NOX4: variants seen among roughly 807,000 people sequenced by gnomAD.
NOX4 encodes NADPH oxidase 4.
A neutral mutation model predicts 87.6 loss-of-function variants in NOX4; 69 were observed. The observed-to-expected ratio is 0.79, with a 90% CI of 0.65 to 0.96. NOX4 has a LOEUF of 0.96. Among genes scored for constraint, NOX4 ranks in the 40% least tolerant of loss-of-function variants. NOX4 has a pLI of 0.00. For synonymous variants in NOX4, 275 were observed against 238.2 expected, an observed-to-expected ratio of 1.15 and a Z score of -1.42; for missense variants, 680 against 681.5, an observed-to-expected ratio of 1.00 and a Z score of 0.02.
chr11:89,347,403 G>A (rs939573041), intron 13 of NOX4, among the ~76,000 whole-genome samples: 4 of 152,212 alleles, frequency 2.6e-5, no homozygotes, highest in Admixed American at 6.5e-5. Flanking sequence ...AGCTGACAAC[G>A]AGAATGGTGA....
At chr11:89,364,445 C>T (rs1488031013) in intron 12 of NOX4, among the ~76,000 whole-genome samples, 2 of 151,696 alleles carry the variant, frequency 1.3e-5, no homozygotes, top group African/African-American at 4.8e-5. Flanking sequence ...AAGAAAAAAC[C>T]CTATCACTCG....
chr11:89,484,748 A>ATTCACCC (rs1946522960), intron 2 of NOX4, among the ~76,000 whole-genome samples: 1 of 152,172 alleles, frequency 6.6e-6, no homozygotes, highest in Admixed American at 6.6e-5. Flanking sequence ...TCATCAAAGA[A>ATTCACCC]ATATAACCCA....
upstream of NOX4, chr11:89,492,346 TGA>T (rs1196336674): frequency 5.3e-5 from 8 of 152,330 alleles, no homozygotes; most frequent in East Asian, 1.5e-3. Flanking sequence ...TAACAACTAA[TGA>T]GAGACAGAAA....
chr11:89,504,039 A>T, the NOX4 span, among the ~76,000 whole-genome samples: 1 of 151,584 alleles, frequency 6.6e-6, no homozygotes, highest in Admixed American at 6.6e-5. Flanking sequence ...TGTGGGGTAC[A>T]AAATAACAAA....
chr11:89,489,113 T>C (rs2135493449), intron 2 of NOX4: 1 of 622,966 alleles, frequency 1.6e-6, no homozygotes, highest in Admixed American at 2.7e-5. Context: ...CAACAGATTA[T>C]GATATTACTT....
At chr11:89,385,836 T>G (rs1940661663) in intron 11 of NOX4, among the ~76,000 whole-genome samples, 1 of 152,142 alleles carries the variant, frequency 6.6e-6, no homozygotes, top group South Asian at 2.1e-4. Context: ...TAGAGGCCTT[T>G]CCCACAGGGT....
the NOX4 span, among the ~76,000 whole-genome samples, chr11:89,518,735 G>A: frequency 6.6e-6 from 1 of 152,128 alleles, no homozygotes; most frequent in African/African-American, 2.4e-5. Flanking sequence ...AAGAATAATG[G>A]AAAGGAAATA....
chr11:89,421,791 C>T, intron 8 of NOX4, 111 bp downstream of exon 8: 1 of 591,826 alleles, frequency 1.7e-6, no homozygotes, highest in Non-Finnish European at 3.0e-6. Context: ...GAAACTATTT[C>T]TTTCACTCTT....
intron 7 of NOX4, among the ~76,000 whole-genome samples, chr11:89,426,092 C>T (rs1459863096): frequency 6.6e-6 from 1 of 152,074 alleles, no homozygotes; most frequent in Non-Finnish European, 1.5e-5. Flanking sequence ...CTCAAAATCT[C>T]TTAACTATAA....
chr11:89,396,160 T>C (rs1273110457), intron 11 of NOX4, among the ~76,000 whole-genome samples: 1 of 152,174 alleles, frequency 6.6e-6, no homozygotes, highest in Non-Finnish European at 1.5e-5. Context: ...TCCATTTGTT[T>C]GTGTCCTCTT....
chr11:89,485,157 A>G (rs1284516167), intron 2 of NOX4, among the ~76,000 whole-genome samples: 2 of 152,146 alleles, frequency 1.3e-5, no homozygotes, highest in Non-Finnish European at 2.9e-5. Context: ...AATGTTTCTA[A>G]TGGATAATGA....
chr11:89,548,620 C>G, the NOX4 span: 1 of 152,132 alleles, frequency 6.6e-6, no homozygotes, highest in South Asian at 2.1e-4. Context: ...GGCCTTTCCT[C>G]TAATGGGGTA....
chr11:89,393,629 GTAATAA>G (rs1001224062), intron 11 of NOX4, among the ~76,000 whole-genome samples: 3 of 152,240 alleles, frequency 2.0e-5, no homozygotes, highest in South Asian at 4.1e-4. Context: ...GATTATGAAA[GTAATAA>G]TAATATCTGT....
At chr11:89,584,250 A>G in the NOX4 span, among the ~76,000 whole-genome samples, 1 of 152,124 alleles carries the variant, frequency 6.6e-6, no homozygotes, top group Non-Finnish European at 1.5e-5. Flanking sequence ...GCCTTAAATG[A>G]AAACTAAATA....
chr11:89,571,177 T>C, the NOX4 span, among the ~76,000 whole-genome samples: 1 of 152,248 alleles, frequency 6.6e-6, no homozygotes, highest in African/African-American at 2.4e-5. Context: ...TTACGTGCTC[T>C]TGATCTAAGT....
Position 89,384,955 on chromosome 11 carries a change from G to C in NOX4, c.1075-11463C>G, listed in dbSNP as rs187782920. Among the ~76,000 whole-genome samples the C allele has an allele frequency of 1.6e-4, 25 of 152,114 alleles. No individual in the cohort carries two copies. The East Asian group carries it at 4.7e-3, about 28-fold the overall frequency. ...CTCTTCCTCACGCTGATCACACTTG[G>C]TTTATCGATGGCAGTTCCACCAGGC... On this transcript the variant is annotated intron_variant, in intron 11 of 17. Transcript: ENST00000263317.
At chr11:89,525,668 CTT>C in the NOX4 span, among the ~76,000 whole-genome samples, 4 of 151,822 alleles carry the variant, frequency 2.6e-5, no homozygotes, top group Admixed American at 2.0e-4. Context: ...CATTTTGTAA[CTT>C]GTCTTTTTAT....
the NOX4 span, among the ~76,000 whole-genome samples, chr11:89,587,478 G>A: frequency 3.1e-4 from 41 of 132,560 alleles, no homozygotes; most frequent in African/African-American, 1.2e-3. Flanking sequence ...AGGTGGGAGA[G>A]GGAAAGGATT....
chr11:89,531,933 T>A, the NOX4 span, among the ~76,000 whole-genome samples: 54 of 152,288 alleles, frequency 3.5e-4, no homozygotes, highest in African/African-American at 1.3e-3. Context: ...GGCCATTGCT[T>A]CAGAGAGTGC....
Sources: gnomAD v4.1 joint callset for allele counts (sites outside exome capture counted in the v4.1 genomes callset) on GRCh38, gnomAD v4.1.1 for gene constraint, MANE v1.5 for transcripts, NCBI Gene and HGNC (gene_info 2026-07-23, HGNC 2026-07-21) for gene names.